ASB15: variants seen among roughly 807,000 people sequenced by gnomAD.
The protein encoded by ASB15 is ankyrin repeat and SOCS box protein 15.
A neutral mutation model predicts 58.0 loss-of-function variants in ASB15; 54 were observed. The ratio of observed to expected loss-of-function variants is 0.93; its 90% CI spans 0.75 to 1.17. The LOEUF is 1.17. ASB15 is among the 50% of genes most tolerant of loss of function. The pLI is 0.00. For synonymous variants in ASB15, 249 were observed against 262.4 expected (o/e 0.95, Z 0.50); for missense variants, 680 against 707.4 (o/e 0.96, Z 0.44).
Position 123,636,967 on chromosome 7 carries a change from C to G in ASB15, c.1753C>G (p.Leu585Val). The G allele has an allele frequency of 6.6e-7, 1 of 1,520,682 alleles. No homozygotes were observed. The highest frequency in any genetic ancestry group is 1.4e-5 in the African/African-American group (1 of 71,690). 94.2% of individuals were successfully genotyped at this position (1,520,682 alleles called of 1,614,324 possible). A position where few individuals can be genotyped will look rare whatever the true frequency, so the allele number is the denominator to read the frequency against. The change falls in exon 12 of 12, where the codon CTA (leucine) becomes GTA (valine). Residue 585 changes from leucine to valine, a missense_variant. Leu to Val is a conservative substitution (Grantham distance 32). Transcript: ENST00000451215. ...AGAGTATGATCTCTATGGACAAGAG[C>G]TAAAATTGACATAACTTAATATTTT... is the stretch of plus-strand genomic sequence containing the variant. ...FKEYDLYGQE[L>V]KLT
At chr7:123,610,554 A>G (rs897529711) in intron 3 of ASB15, among the ~76,000 whole-genome samples, 1 of 152,208 alleles carries the variant, frequency 6.6e-6, no homozygotes, top group Non-Finnish European at 1.5e-5. Context: ...TCCTTAATTC[A>G]GTGGTTTTTT....
chr7:123,593,017 T>C (rs891810640), intron 1 of ASB15, among the ~76,000 whole-genome samples: 24 of 152,184 alleles, frequency 1.6e-4, no homozygotes, highest in African/African-American at 5.8e-4. Flanking sequence ...CCCTTTACCA[T>C]TATGTAATGG....
chr7:123,617,503 T>A, intron 6 of ASB15, 76 bp from the exon 7 acceptor site: 1 of 1,315,310 alleles, frequency 7.6e-7, no homozygotes, highest in African/African-American at 1.5e-5. Flanking sequence ...GTATATAATA[T>A]TGGATTGCTC....
chr7:123,619,161 CAG>C (rs1801045461), intron 7 of ASB15, among the ~76,000 whole-genome samples: 1 of 111,636 alleles, frequency 9.0e-6, no homozygotes, highest in Non-Finnish European at 1.6e-5. Flanking sequence ...GCCTGGACGA[CAG>C]AGAGAGACGC....
At chr7:123,574,140 G>T (rs1387629395) in intron 1 of ASB15, among the ~76,000 whole-genome samples, 3 of 151,648 alleles carry the variant, frequency 2.0e-5, no homozygotes, top group Non-Finnish European at 4.4e-5. Flanking sequence ...ATGTTTTTTA[G>T]AATCATTTTT....
At chr7:123,630,551 T>G (rs1584818713) in intron 11 of ASB15, among the ~76,000 whole-genome samples, 1 of 152,188 alleles carries the variant, frequency 6.6e-6, no homozygotes, top group African/African-American at 2.4e-5. Context: ...TTTGACATGC[T>G]TTCTCTGGGG....
intron 3 of ASB15, among the ~76,000 whole-genome samples, chr7:123,613,222 A>G (rs1262117989): frequency 1.3e-5 from 2 of 152,070 alleles, no homozygotes; most frequent in African/African-American, 2.4e-5. Flanking sequence ...AAATTATCCA[A>G]CCTTGAGGAA....
rs1348000221 is a variant in ASB15, at chr7:123,638,576, T to A, written c.*1595T>A. 2.0e-5 allele frequency: 3 copies of A among 152,158 alleles called. No individual in the cohort carries two copies. The highest frequency in any genetic ancestry group is 4.4e-5 in the Non-Finnish European group (3 of 68,030). 9.4% of individuals were successfully genotyped at this position (152,158 alleles called of 1,614,324 possible). A position where few individuals can be genotyped will look rare whatever the true frequency, so the allele number is the denominator to read the frequency against. ...ACCTTGAAAAGACCTCACACTGCTC[T>A]CATTTCCCCATTGACGAGTGAGAAT... On this transcript the variant is annotated 3_prime_UTR_variant, in exon 12 of 12. Transcript: ENST00000451215.
intron 7 of ASB15, among the ~76,000 whole-genome samples, chr7:123,623,927 AAAG>A (rs1268583645): frequency 2.5e-4 from 5 of 20,318 alleles, no homozygotes; most frequent in African/African-American, 1.0e-3. Flanking sequence ...AGGAAGAAAG[AAAG>A]AAAAGAAAGA....
intron 1 of ASB15, among the ~76,000 whole-genome samples, chr7:123,581,601 A>T (rs925621915): frequency 6.6e-6 from 1 of 151,880 alleles, no homozygotes; most frequent in African/African-American, 2.4e-5. Flanking sequence ...CTTTCGGTTA[A>T]ACTGATATAC....
intron 7 of ASB15, among the ~76,000 whole-genome samples, chr7:123,622,296 A>T (rs1303192595): frequency 1.3e-5 from 2 of 152,044 alleles, no homozygotes; most frequent in African/African-American, 4.8e-5. Flanking sequence ...TAATATGTAA[A>T]CATATATATA....
At chr7:123,571,517 T>C (rs1798906835) in intron 1 of ASB15, among the ~76,000 whole-genome samples, 1 of 152,178 alleles carries the variant, frequency 6.6e-6, no homozygotes, top group Non-Finnish European at 1.5e-5. Flanking sequence ...GAAAATATGA[T>C]TTTTAATCCA....
At chr7:123,600,099 A>G (rs1205762574), upstream of ASB15, among the ~76,000 whole-genome samples, 2 of 152,206 alleles carry the variant, frequency 1.3e-5, no homozygotes, top group African/African-American at 4.8e-5. Context: ...AATAGGCCTC[A>G]TTAAAATGGT....
chr7:123,621,748 A>G (rs543065978), intron 7 of ASB15, among the ~76,000 whole-genome samples: 6 of 152,272 alleles, frequency 3.9e-5, no homozygotes, highest in African/African-American at 1.4e-4. Flanking sequence ...TATTATAGTC[A>G]TCGAGTTTCT....
chr7:123,616,362 A>G lies in ASB15; in HGVS notation c.161-2A>G, dbSNP rs368176989. ...AGTCATCAGTCCATGTGTTTAATTT[A>G]GGTCACATTCCTGAGCTCCAGGAGT... On this transcript the variant is annotated splice_acceptor_variant, in intron 5 of 11. Coordinates refer to ENST00000451215, the MANE Select transcript of ASB15 (RefSeq NM_001290258.2). LOFTEE classifies it high-confidence loss of function. 1 of 1,610,316 alleles carries G rather than the reference A, an allele frequency of 6.2e-7. No homozygotes were observed. The highest frequency in any genetic ancestry group is 1.3e-5 in the African/African-American group (1 of 74,896).
At chr7:123,632,101 T>C (rs1372893950) in intron 11 of ASB15, among the ~76,000 whole-genome samples, 9 of 151,380 alleles carry the variant, frequency 5.9e-5, no homozygotes, top group Non-Finnish European at 1.3e-4. Context: ...ATAATAATAA[T>C]AGAAAGAAGA....
intron 8 of ASB15, 26 bp downstream of exon 8, chr7:123,624,840 T>C (rs1417138292): frequency 6.2e-7 from 1 of 1,603,206 alleles, no homozygotes; most frequent in Non-Finnish European, 8.5e-7. Flanking sequence ...TTACACTTCC[T>C]GACTTTTGTC....
At chr7:123,623,983 G>T (rs903559229) in intron 7 of ASB15, among the ~76,000 whole-genome samples, 1 of 131,936 alleles carries the variant, frequency 7.6e-6, no homozygotes. Flanking sequence ...AAGAAAGAAA[G>T]AAAGAAAGAA....
intron 3 of ASB15, among the ~76,000 whole-genome samples, chr7:123,609,873 G>T (rs1800347237): frequency 1.3e-5 from 2 of 152,104 alleles, no homozygotes; most frequent in Non-Finnish European, 2.9e-5. Context: ...GTTCACTCCT[G>T]CATCATATTT....
Sources: allele counts gnomAD v4.1 joint callset (sites outside exome capture counted in the v4.1 genomes callset), GRCh38; gene constraint gnomAD v4.1.1; transcripts MANE v1.5; gene names NCBI Gene and HGNC (gene_info 2026-07-23, HGNC 2026-07-21).